Variants in SIK3 observed in about 807,000 individuals in gnomAD.
SIK3 encodes the protein SIK family kinase 3, also known as serine/threonine-protein kinase SIK3.
In SIK3, 28 loss-of-function variants were observed where a neutral mutation model predicts 144.2. The observed-to-expected ratio is 0.19, with a 90% CI of 0.14 to 0.27. SIK3 has a LOEUF of 0.27. SIK3 is among the 10% of genes least tolerant of loss of function. The pLI, the probability that SIK3 is intolerant of heterozygous loss-of-function variation, is 1.00. For missense variants in SIK3, 1,319 were observed against 1,776.0 expected, an observed-to-expected ratio of 0.74 and a Z score of 4.62; for synonymous variants, 686 against 676.3, an observed-to-expected ratio of 1.01 and a Z score of -0.22.
intron 1 of SIK3, among the ~76,000 whole-genome samples, chr11:116,987,041 T>A (rs886235692): frequency 6.6e-6 from 1 of 152,130 alleles, no homozygotes; most frequent in Non-Finnish European, 1.5e-5. Flanking sequence ...TGGAGATTGA[T>A]TGCACAACTA....
intron 3 of SIK3, among the ~76,000 whole-genome samples, chr11:116,932,107 G>A (rs987535835): frequency 4.0e-5 from 6 of 151,862 alleles, no homozygotes; most frequent in Admixed American, 6.6e-5. Context: ...TTAACTCTAC[G>A]TTCAAATCAT....
intron 21 of SIK3, among the ~76,000 whole-genome samples, chr11:116,852,504 G>A (rs1942544850): frequency 6.6e-6 from 1 of 152,236 alleles, no homozygotes; most frequent in Admixed American, 6.5e-5. Flanking sequence ...GCTGCTTCCT[G>A]AGGAGCAGGA....
intron 3 of SIK3, among the ~76,000 whole-genome samples, chr11:116,944,484 A>G (rs528294156): frequency 7.3e-4 from 94 of 128,894 alleles, no homozygotes; most frequent in African/African-American, 2.3e-3. Flanking sequence ...CAATCAATCA[A>G]TCAGGCTTAT....
intron 1 of SIK3, among the ~76,000 whole-genome samples, chr11:117,090,889 T>G (rs543061831): frequency 4.6e-5 from 7 of 152,334 alleles, no homozygotes; most frequent in African/African-American, 1.7e-4. Context: ...TTTCCTCTCA[T>G]CATGACATCT....
At position 116,868,004 on chromosome 11, in the gene SIK3, C is replaced by G; in HGVS notation, c.1894G>C (p.Gly632Arg). 6.4e-7 allele frequency: 1 copy of G among 1,550,556 alleles called. No individual in the cohort carries two copies. The highest frequency in any genetic ancestry group is 8.7e-7 in the Non-Finnish European group (1 of 1,146,956). The change falls in exon 15 of 25, where the codon GGA becomes CGA. Residue 632 changes from glycine (G) to arginine (R), a missense_variant. Physicochemically the swap from Gly to Arg is moderately radical, Grantham distance 125. This residue lies in a region of SIK3 where 167 missense variants were observed against 263.3 expected (regional missense o/e 0.63). Coordinates refer to ENST00000445177, the MANE Select transcript of SIK3 (RefSeq NM_001366686.3). Reference protein sequence around the residue: ...EIPPDLQRQLGQQPFRSRVWP... With the variant: ...EIPPDLQRQLRQQPFRSRVWP... ...ACCCGGGAACGGAAAGGCTGCTGTC[C>G]TAGCTGCCGTTGTAGGTCCGGTGGG...
chr11:116,858,658 G>T lies in SIK3; in HGVS notation c.2807C>A (p.Ala936Glu), dbSNP rs1048898943. ...NRFSPANYDQ[A>E]HLHPHLFSDQ... ...CGAAAACAGATGGGGGTGTAAATGC[G>T]CCTGGTCGTAGTTAGCAGGGGAGAA... Residue 936 changes from alanine (A) to glutamate (E), a missense_variant, in exon 21 of 25, where the codon GCG (alanine) becomes GAG (glutamate). Ala to Glu is a moderately radical substitution (Grantham distance 107). This residue lies in a region of SIK3 where 646 missense variants were observed against 763.7 expected (regional missense o/e 0.85). Transcript: ENST00000445177. This position sits in a 1 kb window ranked among gnomAD's most constrained non-coding sequence, Gnocchi z 5.4. 2 of 1,573,782 alleles carry T rather than the reference G, an allele frequency of 1.3e-6. No individual in the cohort carries two copies. Among genetic ancestry groups the T allele is most frequent in the African/African-American group, 1.4e-5 (1 of 73,744 alleles).
chr11:117,018,062 G>A (rs1951609558), intron 1 of SIK3, among the ~76,000 whole-genome samples: 3 of 152,114 alleles, frequency 2.0e-5, no homozygotes, highest in Admixed American at 2.0e-4. Context: ...GGGGTAATAT[G>A]AGAACAGAGG....
At chr11:116,934,330 T>A (rs991498599) in intron 3 of SIK3, among the ~76,000 whole-genome samples, 3 of 152,236 alleles carry the variant, frequency 2.0e-5, no homozygotes, top group African/African-American at 7.2e-5. Flanking sequence ...TTAAAACTAT[T>A]TCCTGAACCT....
intron 1 of SIK3, among the ~76,000 whole-genome samples, chr11:116,971,465 G>A (rs1268018759): frequency 6.6e-6 from 1 of 152,134 alleles, no homozygotes; most frequent in Non-Finnish European, 1.5e-5. Flanking sequence ...TTTTAGACTA[G>A]TTAATTCCAA....
At chr11:117,025,144 T>TAAGC in intron 1 of SIK3, among the ~76,000 whole-genome samples, 1 of 152,190 alleles carries the variant, frequency 6.6e-6, no homozygotes, top group East Asian at 1.9e-4. Flanking sequence ...GGTGCAAAGC[T>TAAGC]AAGCACCTTT....
At chr11:117,002,642 GA>G (rs1950896057) in intron 1 of SIK3, among the ~76,000 whole-genome samples, 1 of 151,818 alleles carries the variant, frequency 6.6e-6, no homozygotes, top group Non-Finnish European at 1.5e-5. Context: ...TCTGGAAAAA[GA>G]AAAAAACATT....
rs767407831 is a variant in SIK3, at chr11:116,861,352, T to G, written c.2347A>C (p.Asn783His). 6.3e-7 allele frequency: 1 copy of G among 1,595,924 alleles called. No homozygotes were observed. The highest frequency in any genetic ancestry group is 1.1e-5 in the South Asian group (1 of 88,478). ...LRIQPSSPPP[N>H]HPNNHLFRQP... is the part of the protein sequence containing the mutation. Reference sequence around the variant, plus strand: ...CTGAAGAGATGGTTGTTGGGGTGGTTGGGGGGTGGGCTTGAAGGCTGAATC... The same window carrying G: ...CTGAAGAGATGGTTGTTGGGGTGGTGGGGGGGTGGGCTTGAAGGCTGAATC... The change falls in exon 19 of 25, where the codon AAC becomes CAC. Residue 783 changes from asparagine (N) to histidine (H), a missense_variant. Physicochemically the swap from Asn to His is moderately conservative, Grantham distance 68. Transcript: ENST00000445177.
rs576931773 is a variant in SIK3 at position 116,992,793 on chromosome 11, A to G, written c.274-35729T>C. 3.9e-5 allele frequency among the ~76,000 whole-genome samples: 6 copies of G among 152,290 alleles called. No homozygotes were observed. In the East Asian group the frequency reaches 1.2e-3, roughly 29 times the overall value. On this transcript the variant is annotated intron_variant, in intron 1 of 24. Coordinates refer to ENST00000445177, the MANE Select transcript of SIK3 (RefSeq NM_001366686.3). Reference sequence around the variant, plus strand: ...GAGCCCAAAAGTTCAAGACCAGCCTAGGCAACATGGAGGGACCTCATCTCT... The same window carrying G: ...GAGCCCAAAAGTTCAAGACCAGCCTGGGCAACATGGAGGGACCTCATCTCT...
At chr11:117,009,298 C>T (rs1951165848) in intron 1 of SIK3, among the ~76,000 whole-genome samples, 1 of 150,602 alleles carries the variant, frequency 6.6e-6, no homozygotes, top group South Asian at 2.1e-4. Context: ...GTAATCCCAG[C>T]ACTTTGGGAG....
chr11:116,972,046 C>T (rs1299951137), intron 1 of SIK3, among the ~76,000 whole-genome samples: 1 of 149,276 alleles, frequency 6.7e-6, no homozygotes, highest in Non-Finnish European at 1.5e-5. Flanking sequence ...GAGATCGCCT[C>T]ACTGCACTCC....
At chr11:117,098,114 C>G (rs745997237) in intron 1 of SIK3, 29 bp downstream of exon 1, 2 of 1,424,914 alleles carry the variant, frequency 1.4e-6, no homozygotes, top group Non-Finnish European at 9.2e-7. Flanking sequence ...CGCCACGCTC[C>G]GACTGCCGCC....
chr11:117,040,852 G>T (rs1952707739), intron 1 of SIK3, among the ~76,000 whole-genome samples: 1 of 150,882 alleles, frequency 6.6e-6, no homozygotes, highest in South Asian at 2.1e-4. Context: ...TATATTTAAG[G>T]TATACAACAC....
At chr11:117,082,700 T>C (rs867017035) in intron 1 of SIK3, among the ~76,000 whole-genome samples, 4 of 152,180 alleles carry the variant, frequency 2.6e-5, no homozygotes, top group African/African-American at 2.4e-5. Context: ...AAATGTATTA[T>C]AGTGATGGTC....
intron 1 of SIK3, among the ~76,000 whole-genome samples, chr11:117,075,936 C>A (rs7130213): frequency 0.33 from 48,639 of 147,738 alleles, 9,504 homozygotes; most frequent in African/African-American, 0.56. Context: ...GCAACCTCCA[C>A]CTCCTGGGTT....
Sources: allele counts gnomAD v4.1 joint callset (sites outside exome capture counted in the v4.1 genomes callset), GRCh38; gene constraint gnomAD v4.1.1; regional missense constraint gnomAD v4.1.1; non-coding constraint Gnocchi (gnomAD v3.1); transcripts MANE v1.5; gene names NCBI Gene and HGNC (gene_info 2026-07-23, HGNC 2026-07-21).